Variants in PTPRD observed in about 807,000 individuals in gnomAD.
The protein encoded by PTPRD is protein tyrosine phosphatase receptor type D.
In PTPRD, 34 loss-of-function variants were observed where a neutral mutation model predicts 214.5. The observed-to-expected ratio is 0.16, with a 90% confidence interval of 0.12 to 0.21. The LOEUF is 0.21. Among genes scored for constraint, PTPRD ranks in the 10% least tolerant of loss-of-function variants. PTPRD has a pLI of 1.00. For synonymous variants in PTPRD, 1,128 were observed against 845.7 expected (o/e 1.33, Z -5.79); for missense variants, 2,545 against 2,398.7 (o/e 1.06, Z -1.27).
intron 44 of PTPRD, among the ~76,000 whole-genome samples, chr9:8,324,281 T>C (rs1185205391): frequency 1.3e-5 from 2 of 152,060 alleles, no homozygotes; most frequent in African/African-American, 4.8e-5. Context: ...CCCTGGTGTG[T>C]GATGTTCGCT....
At chr9:9,421,155 C>T (rs990386569) in intron 8 of PTPRD, among the ~76,000 whole-genome samples, 6 of 151,820 alleles carry the variant, frequency 4.0e-5, no homozygotes, top group African/African-American at 1.5e-4. Context: ...CATCCATAAC[C>T]TCGAGAGCCA....
chr9:9,731,538 C>T (rs2154442256), intron 7 of PTPRD, among the ~76,000 whole-genome samples: 1 of 151,984 alleles, frequency 6.6e-6, no homozygotes, highest in East Asian at 1.9e-4. Flanking sequence ...TATACATGTG[C>T]CATGTTGGTA....
At chr9:9,185,245 A>G (rs1010221397) in intron 9 of PTPRD, among the ~76,000 whole-genome samples, 14 of 152,130 alleles carry the variant, frequency 9.2e-5, no homozygotes, top group Non-Finnish European at 1.0e-4. Flanking sequence ...ACATATTACA[A>G]TGAAACAGCT....
At chr9:10,372,913 G>A (rs1337663373) in intron 2 of PTPRD, among the ~76,000 whole-genome samples, 7 of 150,556 alleles carry the variant, frequency 4.6e-5, no homozygotes, top group East Asian at 2.0e-4. Context: ...GCAGTGGTGC[G>A]ATCTTGGCTT....
chr9:8,976,938 C>T (rs1010580483), intron 11 of PTPRD, among the ~76,000 whole-genome samples: 1 of 152,042 alleles, frequency 6.6e-6, no homozygotes, highest in Non-Finnish European at 1.5e-5. Context: ...AGCTTCAGTT[C>T]TACTTCTCCA....
At chr9:9,880,221 C>T (rs10114512) in intron 5 of PTPRD, among the ~76,000 whole-genome samples, 3,813 of 152,164 alleles carry the variant, frequency 0.025, 61 homozygotes, top group Middle Eastern at 0.044. Context: ...CTTCCCCTTC[C>T]GCCATGATTT....
At chr9:9,341,844 T>C (rs895797520) in intron 9 of PTPRD, among the ~76,000 whole-genome samples, 4 of 152,150 alleles carry the variant, frequency 2.6e-5, no homozygotes, top group East Asian at 1.9e-4. Flanking sequence ...GCCTCACTCT[T>C]GTCACCCAGG....
At chr9:9,751,647 A>T (rs2098520793) in intron 6 of PTPRD, among the ~76,000 whole-genome samples, 1 of 152,066 alleles carries the variant, frequency 6.6e-6, no homozygotes, top group African/African-American at 2.4e-5. Flanking sequence ...TGAAGAAGAG[A>T]CACACGGTAC....
chr9:10,556,228 G>C (rs974718738), intron 2 of PTPRD, among the ~76,000 whole-genome samples: 3 of 151,690 alleles, frequency 2.0e-5, no homozygotes, highest in Admixed American at 6.6e-5. Context: ...TTACTAAGTA[G>C]ATCATTTCCT....
At chr9:8,818,576 G>T (rs1399375624) in intron 11 of PTPRD, among the ~76,000 whole-genome samples, 2 of 152,128 alleles carry the variant, frequency 1.3e-5, no homozygotes, top group African/African-American at 2.4e-5. Flanking sequence ...ACTCAGAAAG[G>T]TTAAGCAATC....
intron 12 of PTPRD, among the ~76,000 whole-genome samples, chr9:8,680,428 G>C (rs779662587): frequency 6.6e-6 from 1 of 152,116 alleles, no homozygotes; most frequent in African/African-American, 2.4e-5. Flanking sequence ...GTCTTCTCTC[G>C]TGTTGAATCT....
intron 10 of PTPRD, among the ~76,000 whole-genome samples, chr9:9,125,304 AG>A (rs2099827870): frequency 6.6e-6 from 1 of 152,142 alleles, no homozygotes; most frequent in Non-Finnish European, 1.5e-5. Flanking sequence ...CTGCCAGAGA[AG>A]GGCTGATATT....
intron 12 of PTPRD, among the ~76,000 whole-genome samples, chr9:8,668,029 G>T (rs1671613686): frequency 6.6e-6 from 1 of 152,062 alleles, no homozygotes. Flanking sequence ...AAATCATGGG[G>T]TTAAGTTGGT....
rs572311270 is a variant in PTPRD at position 8,803,106 on chromosome 9, C to T, written c.-103-69160G>A. Among the ~76,000 whole-genome samples, 29 of 151,988 alleles carry T rather than the reference C, an allele frequency of 1.9e-4. No homozygotes were observed. In the South Asian group the frequency reaches 5.6e-3, roughly 29 times the overall value. On this transcript the variant is annotated intron_variant, in intron 11 of 45. Transcript: ENST00000381196. The stretch of plus-strand genomic sequence containing the variant: ...AAATGGACATAATAATTATACTTAC[C>T]TCCTAGGGCGGTTAAAAGAACTACA...
At chr9:10,466,667 A>G (rs1244471845) in intron 2 of PTPRD, among the ~76,000 whole-genome samples, 1 of 150,684 alleles carries the variant, frequency 6.6e-6, no homozygotes, top group Non-Finnish European at 1.5e-5. Flanking sequence ...GAAATTTTAT[A>G]ACAACGTGTA....
chr9:8,404,149 G>C (rs2092728080), intron 36 of PTPRD, among the ~76,000 whole-genome samples: 1 of 152,174 alleles, frequency 6.6e-6, no homozygotes, highest in Non-Finnish European at 1.5e-5. Context: ...TTGAGATGGA[G>C]TCTCACTCTG....
chr9:9,695,197 C>G (rs1595438669), intron 7 of PTPRD, among the ~76,000 whole-genome samples: 1 of 152,114 alleles, frequency 6.6e-6, no homozygotes, highest in Non-Finnish European at 1.5e-5. Flanking sequence ...GGACTGGGTC[C>G]TTCCCTCCAA....
rs566306614 is a variant in PTPRD at position 9,696,127 on chromosome 9, A to T, written c.-287+38406T>A. Among the ~76,000 whole-genome samples, 6 of 152,210 alleles carry T rather than the reference A, an allele frequency of 3.9e-5. No homozygotes were observed. In the South Asian group the frequency reaches 1.2e-3, roughly 32 times the overall value. ...TTCAAGATTCATCCTTTAGTAAGTT[A>T]TATGTGCCCATGAATATATTCCATT... is the stretch of plus-strand genomic sequence containing the variant. On this transcript the variant is annotated intron_variant, in intron 7 of 45. Coordinates refer to ENST00000381196, the MANE Select transcript of PTPRD (RefSeq NM_002839.4).
At chr9:8,881,291 C>A (rs1226010798) in intron 11 of PTPRD, among the ~76,000 whole-genome samples, 1 of 152,076 alleles carries the variant, frequency 6.6e-6, no homozygotes, top group Non-Finnish European at 1.5e-5. Flanking sequence ...TTTATAAATT[C>A]CCATTAATAA....
Sources: allele counts gnomAD v4.1 joint callset (sites outside exome capture counted in the v4.1 genomes callset), GRCh38; gene constraint gnomAD v4.1.1; transcripts MANE v1.5; gene names NCBI Gene and HGNC (gene_info 2026-07-23, HGNC 2026-07-21).